The following PRTFDC1 variants were observed in gnomAD, a reference collection of about 807,000 sequenced individuals.
The protein encoded by PRTFDC1 is phosphoribosyltransferase domain-containing protein 1.
A neutral mutation model predicts 34.6 loss-of-function variants in PRTFDC1; 38 were observed. That is an observed-to-expected ratio of 1.10 (90% CI 0.85 to 1.44). PRTFDC1 has a LOEUF of 1.44. Among genes scored for constraint, PRTFDC1 ranks in the 40% most tolerant of loss-of-function variants. The pLI, the probability that PRTFDC1 is intolerant of heterozygous loss-of-function variation, is 0.00. For missense variants in PRTFDC1, 270 were observed against 283.0 expected, an observed-to-expected ratio of 0.95 and a Z score of 0.33; for synonymous variants, 93 against 98.1, an observed-to-expected ratio of 0.95 and a Z score of 0.31.
intron 3 of PRTFDC1, among the ~76,000 whole-genome samples, chr10:24,912,278 A>G (rs1237586271): frequency 1.4e-5 from 2 of 147,230 alleles, no homozygotes; most frequent in African/African-American, 5.0e-5. Flanking sequence ...CAAAAAAAAA[A>G]AAAAAAAAAA....
chr10:24,901,577 A>C lies in PRTFDC1; in HGVS notation c.340-29514T>G, dbSNP rs1848450570. On this transcript the variant is annotated intron_variant, in intron 3 of 8. Coordinates refer to ENST00000320152, the MANE Select transcript of PRTFDC1 (RefSeq NM_020200.7). ...CTGTCTCTACAGAAAGTTAAAAAAA[A>C]AATTGGCCAGGCATAGTGGTACATG... Among the ~76,000 whole-genome samples, 3 of 152,220 alleles carry C rather than the reference A, an allele frequency of 2.0e-5. No individual in the cohort carries two copies. In the South Asian group the frequency reaches 6.2e-4, roughly 32 times the overall value.
At chr10:24,851,089 T>C (rs1847478612) in intron 8 of PRTFDC1, among the ~76,000 whole-genome samples, 1 of 152,208 alleles carries the variant, frequency 6.6e-6, no homozygotes, top group African/African-American at 2.4e-5. Flanking sequence ...TTGTTATGGT[T>C]GGTTGGGCAC....
At chr10:24,926,197 T>C (rs1308805347) in intron 3 of PRTFDC1, among the ~76,000 whole-genome samples, 1 of 152,210 alleles carries the variant, frequency 6.6e-6, no homozygotes, top group Non-Finnish European at 1.5e-5. Flanking sequence ...CTCCATGCTC[T>C]TACCTGTGAA....
chr10:24,952,428 C>T lies in PRTFDC1; in HGVS notation c.48+100G>A, dbSNP rs913957500. 2 of 1,358,754 alleles carry T rather than the reference C, an allele frequency of 1.5e-6. No homozygotes were observed. Among genetic ancestry groups the T allele is most frequent in the South Asian group, 2.5e-5 (2 of 78,802 alleles). 84.2% of individuals were successfully genotyped at this position (1,358,754 alleles called of 1,614,324 possible). ...CGGGAGGGAGAACAAAGCGGTGGCC[C>T]TCTCTCTCCCCCGACGCACGGCAAG... is the stretch of plus-strand genomic sequence containing the variant. On this transcript the variant is annotated intron_variant, in intron 1 of 8. Coordinates refer to ENST00000320152, the MANE Select transcript of PRTFDC1 (RefSeq NM_020200.7). The surrounding 1 kb of genome is among the most constrained non-coding windows in gnomAD (Gnocchi z 5.1).
chr10:24,948,040 C>T (rs749714072), intron 1 of PRTFDC1, among the ~76,000 whole-genome samples: 4 of 152,108 alleles, frequency 2.6e-5, no homozygotes, highest in Non-Finnish European at 5.9e-5. Context: ...GTGGGTTTGC[C>T]CCACAGAAGG....
At chr10:24,929,074 A>AAGAAAGGG in intron 3 of PRTFDC1, among the ~76,000 whole-genome samples, 1 of 145,612 alleles carries the variant, frequency 6.9e-6, no homozygotes, top group Admixed American at 6.9e-5. Context: ...GAAAGAAAGA[A>AAGAAAGGG]AGGGAGGCTT....
chr10:24,922,288 C>T (rs1314972240), intron 3 of PRTFDC1, among the ~76,000 whole-genome samples: 1 of 152,170 alleles, frequency 6.6e-6, no homozygotes, highest in Non-Finnish European at 1.5e-5. Context: ...GAGAAATTAT[C>T]TGGGCATAAT....
intron 4 of PRTFDC1, among the ~76,000 whole-genome samples, chr10:24,871,528 G>T (rs888191692): frequency 2.0e-5 from 3 of 151,936 alleles, no homozygotes; most frequent in Non-Finnish European, 2.9e-5. Context: ...TAGAAAAAAA[G>T]GCAAAGTGCT....
chr10:24,862,764 A>C (rs182498867), intron 4 of PRTFDC1, among the ~76,000 whole-genome samples: 2 of 151,236 alleles, frequency 1.3e-5, no homozygotes, highest in East Asian at 3.9e-4. Flanking sequence ...GACAGTGTGT[A>C]CTCACTTTGT....
chr10:24,928,812 C>T (rs1164766322), intron 3 of PRTFDC1, among the ~76,000 whole-genome samples: 1 of 151,458 alleles, frequency 6.6e-6, no homozygotes, highest in Non-Finnish European at 1.5e-5. Flanking sequence ...CCGAGACAGG[C>T]AGATCACGAG....
chr10:24,869,824 T>C (rs953717177), intron 4 of PRTFDC1, among the ~76,000 whole-genome samples: 1 of 152,214 alleles, frequency 6.6e-6, no homozygotes, highest in Non-Finnish European at 1.5e-5. Flanking sequence ...CTGGTGGGTG[T>C]GTCCTTGGGT....
At chr10:24,898,286 C>CAAAAAA (rs34691185) in intron 3 of PRTFDC1, among the ~76,000 whole-genome samples, 70 of 75,114 alleles carry the variant, frequency 9.3e-4, no homozygotes, top group East Asian at 2.1e-3. Context: ...CCCGTCTCTA[C>CAAAAAA]AAAAAAAAAA....
At position 24,853,874 on chromosome 10, in the gene PRTFDC1, G is replaced by A. The variant is rs578113331; in HGVS notation, c.553+1444C>T. On this transcript the variant is annotated intron_variant, in intron 7 of 8. Transcript: ENST00000320152. ...TACACTTACATTTGCAATAGCAGATGTTACTTGCAGATGTAGTGGAAGAGT... is the reference window on the plus strand; with the variant it reads ...TACACTTACATTTGCAATAGCAGATATTACTTGCAGATGTAGTGGAAGAGT... Among the ~76,000 whole-genome samples the A allele has an allele frequency of 3.9e-5, 6 of 152,290 alleles. No homozygotes were observed. The East Asian group carries it at 7.7e-4, about 20-fold the overall frequency.
At chr10:24,930,106 T>G (rs565940356) in intron 3 of PRTFDC1, among the ~76,000 whole-genome samples, 37 of 152,110 alleles carry the variant, frequency 2.4e-4, no homozygotes, top group African/African-American at 8.9e-4. Context: ...ATCGGGTAGC[T>G]CAAGGGACTG....
chr10:24,928,409 C>T (rs7902275), intron 3 of PRTFDC1, among the ~76,000 whole-genome samples: 48,943 of 151,780 alleles, frequency 0.32, 9,273 homozygotes, highest in African/African-American at 0.53. Flanking sequence ...CTGCTAAACA[C>T]AGATTTCCTG....
chr10:24,936,551 G>T (rs1242909572), intron 3 of PRTFDC1, among the ~76,000 whole-genome samples: 1 of 152,184 alleles, frequency 6.6e-6, no homozygotes, highest in Non-Finnish European at 1.5e-5. Flanking sequence ...CTCCCAAAGT[G>T]TTGGGATTAT....
At chr10:24,936,455 T>G (rs563145558) in intron 3 of PRTFDC1, among the ~76,000 whole-genome samples, 1 of 152,216 alleles carries the variant, frequency 6.6e-6, no homozygotes, top group East Asian at 1.9e-4. Context: ...ATTTTAAAAA[T>G]TTTCTTTTTG....
intron 4 of PRTFDC1, among the ~76,000 whole-genome samples, chr10:24,866,470 G>T (rs2132504400): frequency 6.6e-6 from 1 of 151,818 alleles, no homozygotes; most frequent in African/African-American, 2.4e-5. Flanking sequence ...CATGGTGCCA[G>T]ATTTGAGCCT....
intron 3 of PRTFDC1, among the ~76,000 whole-genome samples, chr10:24,926,982 G>GA (rs1367761896): frequency 6.6e-6 from 1 of 152,108 alleles, no homozygotes. Context: ...TGTATGTCAA[G>GA]AAAATGCATG....
Sources: allele counts gnomAD v4.1 joint callset (sites outside exome capture counted in the v4.1 genomes callset), GRCh38; gene constraint gnomAD v4.1.1; non-coding constraint Gnocchi (gnomAD v3.1); transcripts MANE v1.5; gene names NCBI Gene and HGNC (gene_info 2026-07-23, HGNC 2026-07-21).